The following MYO15A variants were observed in gnomAD, a reference collection of about 807,000 sequenced individuals.
The protein encoded by MYO15A is myosin XVA, also known as unconventional myosin-XV.
Under a neutral mutation model 394.6 loss-of-function variants are expected in MYO15A, and 308 were observed. The observed-to-expected ratio is 0.78, with a 90% CI of 0.71 to 0.86. The LOEUF (loss-of-function observed/expected upper bound fraction) is 0.86, where lower values mean the gene tolerates loss of function less well. MYO15A is among the 40% of genes least tolerant of loss of function. MYO15A has a pLI of 0.00. For synonymous variants in MYO15A, 1,957 were observed against 2,003.8 expected, an observed-to-expected ratio of 0.98 and a Z score of 0.62; for missense variants, 4,606 against 4,799.1, an observed-to-expected ratio of 0.96 and a Z score of 1.19.
At position 18,121,070 on chromosome 17, in the gene MYO15A, TC is replaced by T; in HGVS notation, c.2274del (p.Ala760ProfsTer21). The T allele has an allele frequency of 6.6e-7, 1 of 1,506,326 alleles. No individual in the cohort carries two copies. The highest frequency in any genetic ancestry group is 8.8e-7 in the Non-Finnish European group (1 of 1,132,266). The allele number at this position is 1,506,326 out of a possible 1,614,324, so 93.3% of individuals were successfully genotyped here. ...GSRRRGAAFG[F>X]PGASPRASRR... ...CGCCGGAGAGGGGCGGCTTTCGGCT[TC>T]CCCGGGGCCTCTCCACGGGCGTCGC... On this transcript the variant is annotated frameshift_variant, in exon 2 of 66. Coordinates refer to ENST00000647165, the MANE Select transcript of MYO15A (RefSeq NM_016239.4). LOFTEE classifies it high-confidence loss of function. This position sits in a 1 kb window ranked among gnomAD's most constrained non-coding sequence, Gnocchi z 5.3.
In MYO15A at chr17:18,140,531, C is replaced by T. The variant is rs1193749722; in HGVS notation, c.5226C>T (p.Leu1742=). ...CCCCTGCCCAGGTGGTGGCACACCTCTTCTCCAGCCATGCCCCACAGGCTG... is the reference window on the plus strand; with the variant it reads ...CCCCTGCCCAGGTGGTGGCACACCTTTTCTCCAGCCATGCCCCACAGGCTG... ...VRSRTRVVAH[L]FSSHAPQAAP... The change falls in exon 20 of 66, where the codon CTC becomes CTT. Residue 1742 remains leucine (L), a synonymous_variant. Coordinates refer to ENST00000647165, the MANE Select transcript of MYO15A (RefSeq NM_016239.4). 6.2e-6 allele frequency: 10 copies of T among 1,613,498 alleles called. No homozygotes were observed. The Admixed American group carries it at 1.7e-4, about 27-fold the overall frequency.
rs372672508 is a variant in MYO15A, at chr17:18,171,655, A to G, written c.10100A>G (p.Tyr3367Cys). 25 of 1,613,768 alleles carry G rather than the reference A, an allele frequency of 1.5e-5. No individual in the cohort carries two copies. The African/African-American group carries it at 3.1e-4, about 20-fold the overall frequency. ...GTACACAGGCGGGAAGTCCAGGAGT[A>G]CATCCCAGCCCAGCTCTACCGTACA... is the stretch of plus-strand genomic sequence containing the variant. The part of the protein sequence containing the change: ...YLPSVREVQE[Y>C]IPAQLYRTTA... Residue 3367 changes from tyrosine to cysteine, a missense_variant, in exon 63 of 66, where the codon TAC (tyrosine) becomes TGC (cysteine). Physicochemically the swap from Tyr to Cys is radical, Grantham distance 194. Around this residue, in one of 2 missense-constraint regions of MYO15A, gnomAD observed 2,776 missense variants for 3,109.3 expected, o/e 0.89. Transcript: ENST00000647165.
intron 65 of MYO15A, 40 bp from the exon 66 acceptor site, chr17:18,178,729 G>A: frequency 6.3e-7 from 1 of 1,583,310 alleles, no homozygotes; most frequent in Non-Finnish European, 8.7e-7. Flanking sequence ...AAGAGCTGGG[G>A]AAGTGTTGGA....
chr17:18,135,639 C>T, intron 12 of MYO15A, 72 bp from the exon 13 acceptor site: 3 of 1,442,984 alleles, frequency 2.1e-6, no homozygotes, highest in Non-Finnish European at 1.9e-6. Context: ...CAGTGCCCGG[C>T]CCTGTTTTTC....
At position 18,114,241 on chromosome 17, in the gene MYO15A, C is replaced by CTTTTTTTTTTTTTT. The variant is rs10583154; in HGVS notation, c.-219-4328_-219-4315dup. ...CACCTTGTGACCACCACAGTCCTGT[C>CTTTTTTTTTTTTTT]TTTTTTTTTTTTTTTTTTTTTTTTT... On this transcript the variant is annotated intron_variant, in intron 1 of 65. Coordinates refer to ENST00000647165, the MANE Select transcript of MYO15A (RefSeq NM_016239.4). 5.4e-5 allele frequency among the ~76,000 whole-genome samples: 3 copies of CTTTTTTTTTTTTTT among 55,562 alleles called. 1 individual carries two copies. Among genetic ancestry groups the CTTTTTTTTTTTTTT allele is most frequent in the Non-Finnish European group, 9.6e-5 (3 of 31,162 alleles). 36.5% of individuals were successfully genotyped at this position (55,562 alleles called of 152,430 possible).
chr17:18,151,750 G>A, intron 40 of MYO15A, 96 bp from the exon 41 acceptor site: 2 of 1,249,874 alleles, frequency 1.6e-6, no homozygotes, highest in Non-Finnish European at 1.1e-6. Flanking sequence ...ATAATGATAG[G>A]GGGTGGTGGA....
chr17:18,121,362 C>T lies in MYO15A; in HGVS notation c.2562C>T (p.Cys854=), dbSNP rs182293382. The change falls in exon 2 of 66, where the codon TGC becomes TGT. Residue 854 remains cysteine, a synonymous_variant. Coordinates refer to ENST00000647165, the MANE Select transcript of MYO15A (RefSeq NM_016239.4). The surrounding 1 kb of genome is among the most constrained non-coding windows in gnomAD (Gnocchi z 5.3). ...CGCCCTCGCCGCCCCTGGGGCTCTG[C>T]CACAGCCCGCGGCGCAGCTCCCTGA... The part of the protein sequence containing the change: ...PRPPSPPLGL[C]HSPRRSSLNL... 7,929 of 1,483,108 alleles carry T rather than the reference C, an allele frequency of 5.3e-3. 39 individuals carry two copies. The highest frequency in any genetic ancestry group is 5.9e-3 in the Non-Finnish European group (6,594 of 1,122,966). The allele number at this position is 1,483,108 out of a possible 1,614,324, so 91.9% of individuals were successfully genotyped here.
At position 18,142,857 on chromosome 17, in the gene MYO15A, A is replaced by C. The variant is rs58914384; in HGVS notation, c.5910+17A>C. 642 of 1,601,792 alleles carry C rather than the reference A, an allele frequency of 4.0e-4. 2 individuals carry two copies. The African/African-American group carries it at 7.5e-3, about 19-fold the overall frequency. On this transcript the variant is annotated intron_variant, in intron 25 of 65. Transcript: ENST00000647165. ...TATCTCAAGGTATAGGCCCTACCCT[A>C]TCTGGGTCCAAGGGGACAGCAGAGA...
chr17:18,121,568 C>A lies in MYO15A; in HGVS notation c.2768C>A (p.Pro923His). 1 of 1,590,376 alleles carries A rather than the reference C, an allele frequency of 6.3e-7. No individual in the cohort carries two copies. The highest frequency in any genetic ancestry group is 2.3e-5 in the East Asian group (1 of 43,680). The change falls in exon 2 of 66, where the codon CCC becomes CAC. Residue 923 changes from proline to histidine, a missense_variant. This residue lies in a region of MYO15A where 1,830 missense variants were observed against 1,689.7 expected (regional missense o/e 1.08). Coordinates refer to ENST00000647165, the MANE Select transcript of MYO15A (RefSeq NM_016239.4). This position sits in a 1 kb window ranked among gnomAD's most constrained non-coding sequence, Gnocchi z 5.3. The stretch of plus-strand genomic sequence containing the variant: ...GACTCAGAGACGCCCTGGACTGTGC[C>A]CCCACTGGCCCCCAGCTGGGACGTG... ...PEDSETPWTV[P>H]PLAPSWDVDM... is the part of the protein sequence containing the mutation.
chr17:18,176,335 G>A (rs978419325), intron 65 of MYO15A, among the ~76,000 whole-genome samples: 44 of 152,090 alleles, frequency 2.9e-4, no homozygotes, highest in African/African-American at 9.6e-4. Flanking sequence ...AGGGGAAGCA[G>A]GCACATCACG....
At chr17:18,129,643 C>T (rs1245522110) in intron 7 of MYO15A, among the ~76,000 whole-genome samples, 2 of 152,214 alleles carry the variant, frequency 1.3e-5, no homozygotes, top group African/African-American at 4.8e-5. Flanking sequence ...GGCCCATGCT[C>T]ATCACTCGAG....
Position 18,119,315 on chromosome 17 carries a change from T to C in MYO15A, c.515T>C (p.Leu172Pro), listed in dbSNP as rs1222532998. The C allele has an allele frequency of 3.1e-6, 5 of 1,610,150 alleles. No homozygotes were observed. Among genetic ancestry groups the C allele is most frequent in the Non-Finnish European group, 4.2e-6 (5 of 1,179,430 alleles). Residue 172 changes from leucine to proline, a missense_variant, in exon 2 of 66, where the codon CTC (leucine) becomes CCC (proline). Leu to Pro is a moderately conservative substitution (Grantham distance 98, BLOSUM62 -3). Around this residue, in one of 2 missense-constraint regions of MYO15A, gnomAD observed 1,830 missense variants for 1,689.7 expected, o/e 1.08. Transcript: ENST00000647165. Reference sequence around the variant, plus strand: ...AGCTCCCGCATGGGCTCCCGCAAACTCCCCTTCCCGTCGGGTGCCGAGATC... The same window carrying C: ...AGCTCCCGCATGGGCTCCCGCAAACCCCCCTTCCCGTCGGGTGCCGAGATC... The part of the protein sequence containing the change: ...RSSSRMGSRK[L>P]PFPSGAEILR...
At chr17:18,154,987 T>C in intron 45 of MYO15A, 123 bp from the exon 46 acceptor site, 3 of 1,043,794 alleles carry the variant, frequency 2.9e-6, no homozygotes, top group Non-Finnish European at 2.9e-6. Flanking sequence ...TTCAGTTTTC[T>C]AGTATAGACA....
chr17:18,124,305 G>T, intron 2 of MYO15A, 178 bp from the exon 3 acceptor site: 3 of 682,440 alleles, frequency 4.4e-6, no homozygotes, highest in Middle Eastern at 4.8e-4. Flanking sequence ...ATGTGTGAGG[G>T]TCGCATGCAG....
chr17:18,172,114 AG>A, intron 63 of MYO15A, 42 bp from the exon 64 acceptor site: 1 of 1,613,450 alleles, frequency 6.2e-7, no homozygotes, highest in Non-Finnish European at 8.5e-7. Context: ...GTTGTCAGTG[AG>A]CCCTGCCCAG....
chr17:18,172,375 G>T, intron 64 of MYO15A, 85 bp downstream of exon 64: 1 of 1,588,428 alleles, frequency 6.3e-7, no homozygotes, highest in Non-Finnish European at 8.6e-7. Context: ...ACCTCCAGCC[G>T]CCGAAGCCCA....
chr17:18,120,526 C>G lies in MYO15A; in HGVS notation c.1726C>G (p.Leu576Val). ...PRPATSLARF[L>V]KKTLSEKKPI... ...CCCTGCCACCTCGCTTGCGCGGTTC[C>G]TCAAGAAGACGCTGTCGGAGAAGAA... Residue 576 changes from leucine to valine, a missense_variant, in exon 2 of 66, where the codon CTC becomes GTC. Coordinates refer to ENST00000647165, the MANE Select transcript of MYO15A (RefSeq NM_016239.4). 1.9e-6 allele frequency: 3 copies of G among 1,591,350 alleles called. No individual in the cohort carries two copies. Among genetic ancestry groups the G allele is most frequent in the South Asian group, 1.1e-5 (1 of 89,168 alleles).
intron 62 of MYO15A, 37 bp from the exon 63 acceptor site, chr17:18,171,601 C>T (rs1182692549): frequency 1.2e-6 from 2 of 1,613,566 alleles, no homozygotes; most frequent in African/African-American, 1.3e-5. Context: ...AGCCTGGGAG[C>T]TCACTCAGGA....
chr17:18,173,744 C>A (rs1209019450), intron 64 of MYO15A, 37 bp from the exon 65 acceptor site: 1 of 1,613,556 alleles, frequency 6.2e-7, no homozygotes. Context: ...CTATCCTCGC[C>A]CACAGGCCTG....
Sources: gnomAD v4.1 joint callset for allele counts (sites outside exome capture counted in the v4.1 genomes callset) on GRCh38, gnomAD v4.1.1 for gene constraint, gnomAD v4.1.1 regional missense constraint, Gnocchi (gnomAD v3.1) non-coding constraint, MANE v1.5 for transcripts, NCBI Gene and HGNC (gene_info 2026-07-23, HGNC 2026-07-21) for gene names.